The following LAMA1 variants were observed in gnomAD, a reference collection of about 807,000 sequenced individuals.
LAMA1 encodes laminin subunit alpha-1.
LAMA1 carries 219 observed loss-of-function variants against 348.7 expected under a neutral mutation model. The observed-to-expected ratio is 0.63, with a 90% CI of 0.56 to 0.70. The LOEUF (loss-of-function observed/expected upper bound fraction) is 0.70. Ranked by LOEUF, LAMA1 falls within the 30% of genes least tolerant of loss-of-function variation. The pLI is 0.00. For missense variants in LAMA1, 3,744 were observed against 3,888.0 expected (o/e 0.96, Z 0.99); for synonymous variants, 1,487 against 1,491.0 (o/e 1.00, Z 0.06).
intron 57 of LAMA1, chr18:6,954,856 G>A (rs149332153): frequency 9.8e-4 from 217 of 221,512 alleles, no homozygotes; most frequent in African/African-American, 4.6e-3. Flanking sequence ...CATGGAGTCC[G>A]GGAGCCCCAA....
At chr18:7,087,474 G>A in intron 1 of LAMA1, among the ~76,000 whole-genome samples, 1 of 152,218 alleles carries the variant, frequency 6.6e-6, no homozygotes, top group East Asian at 1.9e-4. Flanking sequence ...GATGCCCATG[G>A]CAACCAGCTC....
chr18:7,000,513 C>A lies in LAMA1; in HGVS notation c.4383-516G>T, dbSNP rs1033920402. Among the ~76,000 whole-genome samples the A allele has an allele frequency of 3.9e-5, 6 of 152,334 alleles. No individual in the cohort carries two copies. The East Asian group carries it at 1.2e-3, about 29-fold the overall frequency. On this transcript the variant is annotated intron_variant, in intron 30 of 62. Transcript: ENST00000389658. ...ACTGGAGAACGGATGCACCTAAAGGCAGGCAGGGAGTTATGTGGTAGGCTG... is the reference window on the plus strand; with the variant it reads ...ACTGGAGAACGGATGCACCTAAAGGAAGGCAGGGAGTTATGTGGTAGGCTG...
intron 16 of LAMA1, 97 bp from the exon 17 acceptor site, chr18:7,026,203 C>CA: frequency 1.4e-6 from 2 of 1,467,258 alleles, no homozygotes; most frequent in Non-Finnish European, 1.9e-6. Flanking sequence ...AAAAAAAAGA[C>CA]AAAATGCTAA....
chr18:6,947,595 C>T (rs930607923), intron 60 of LAMA1, among the ~76,000 whole-genome samples: 3 of 152,174 alleles, frequency 2.0e-5, no homozygotes, highest in South Asian at 2.1e-4. Flanking sequence ...GTCCTCCCTG[C>T]GGCAGTCTTT....
intron 3 of LAMA1, among the ~76,000 whole-genome samples, chr18:7,072,370 T>C (rs2058149589): frequency 6.6e-6 from 1 of 152,166 alleles, no homozygotes; most frequent in Admixed American, 6.5e-5. Flanking sequence ...AGCTATCACA[T>C]TTCACTTTGT....
In LAMA1 at chr18:6,961,804, G is replaced by A. The variant is rs757666580; in HGVS notation, c.7453-45C>T. 5.6e-6 allele frequency: 9 copies of A among 1,608,798 alleles called. No homozygotes were observed. The South Asian group carries it at 6.6e-5, about 12-fold the overall frequency. On this transcript the variant is annotated intron_variant, in intron 52 of 62. Coordinates refer to ENST00000389658, the MANE Select transcript of LAMA1 (RefSeq NM_005559.4). ...AACAGCATGGTGAGTTCCTAGCTGC[G>A]GCCAAACCTTCCGTGGGGAGGACAC...
rs138338380 is a variant in LAMA1, at chr18:6,996,300, G to A, written c.4807-854C>T. ...ATTCAAGAACCAGCCCCATCCCAGC[G>A]CACACATAAACACACGCACACACCT... On this transcript the variant is annotated intron_variant, in intron 33 of 62. Transcript: ENST00000389658. 3.0e-4 allele frequency among the ~76,000 whole-genome samples: 46 copies of A among 152,094 alleles called. No homozygotes were observed. In the East Asian group the frequency reaches 7.5e-3, roughly 25 times the overall value.
At chr18:6,942,475 G>A (rs1438233230) in intron 62 of LAMA1, among the ~76,000 whole-genome samples, 2 of 151,674 alleles carry the variant, frequency 1.3e-5, no homozygotes, top group African/African-American at 2.4e-5. Context: ...GTGCAGTGGC[G>A]CGATCTCGGC....
chr18:6,962,105 A>G (rs928804073), intron 51 of LAMA1, 46 bp from the exon 52 acceptor site: 2 of 1,388,908 alleles, frequency 1.4e-6, no homozygotes, highest in Non-Finnish European at 2.1e-6. Flanking sequence ...GGGTTTTTAA[A>G]TTCCATTTTT....
In LAMA1 at chr18:6,964,333, G is replaced by A. The variant is rs76608461; in HGVS notation, c.7337+329C>T. 9.6e-3 allele frequency among the ~76,000 whole-genome samples: 1,459 copies of A among 152,278 alleles called. 18 individuals carry two copies. Among genetic ancestry groups the A allele is most frequent in the African/African-American group, 0.033 (1,356 of 41,544 alleles). ...TCATTTGGAAAAGGTCTTTGCAGAG[G>A]TAATCAAGTTAGGATGAGGTCATTA... On this transcript the variant is annotated intron_variant, in intron 51 of 62. Coordinates refer to ENST00000389658, the MANE Select transcript of LAMA1 (RefSeq NM_005559.4).
chr18:6,986,671 C>T (rs554262071), intron 36 of LAMA1, among the ~76,000 whole-genome samples: 53 of 151,806 alleles, frequency 3.5e-4, no homozygotes, highest in Non-Finnish European at 6.3e-4. Context: ...CTGAAATTTA[C>T]AGGCACGGTG....
Position 6,997,806 on chromosome 18 carries a change from G to A in LAMA1, c.4742C>T (p.Thr1581Ile). Reference protein sequence around the residue: ...IGDAVLSLNLTGIIPVPYGIL... With the variant: ...IGDAVLSLNLIGIIPVPYGIL... ...TCCATATGGGACAGGGATAATGCCAGTGAGGTTCAGAGAAAGAACGGCATC... is the reference window on the plus strand; with the variant it reads ...TCCATATGGGACAGGGATAATGCCAATGAGGTTCAGAGAAAGAACGGCATC... The change falls in exon 33 of 63, where the codon ACT becomes ATT. Residue 1581 changes from threonine to isoleucine, a missense_variant. Physicochemically the swap from Thr to Ile is moderately conservative, Grantham distance 89. Coordinates refer to ENST00000389658, the MANE Select transcript of LAMA1 (RefSeq NM_005559.4). The A allele has an allele frequency of 6.2e-7, 1 of 1,613,874 alleles. No individual in the cohort carries two copies. Among genetic ancestry groups the A allele is most frequent in the Non-Finnish European group, 8.5e-7 (1 of 1,179,732 alleles).
chr18:6,997,756 T>C lies in LAMA1; in HGVS notation c.4792A>G (p.Thr1598Ala). ...YGILSNLENT[T>A]KYLQESLLKE... The stretch of plus-strand genomic sequence containing the variant: ...CCAGTACCTACCTGGAGATATTTAG[T>C]TGTATTTTCCAGGTTTGACAAAATT... The change falls in exon 33 of 63, where the codon ACT becomes GCT. Residue 1598 changes from threonine to alanine, a missense_variant. Thr to Ala is a moderately conservative substitution (Grantham distance 58, BLOSUM62 0). This residue lies in a region of LAMA1 where 1,983 missense variants were observed against 1,934.3 expected (regional missense o/e 1.03). Transcript: ENST00000389658. 1 of 1,613,996 alleles carries C rather than the reference T, an allele frequency of 6.2e-7. No homozygotes were observed. Among genetic ancestry groups the C allele is most frequent in the Non-Finnish European group, 8.5e-7 (1 of 1,179,850 alleles).
At chr18:6,986,083 T>G in intron 37 of LAMA1, 54 bp downstream of exon 37, 13 of 1,591,746 alleles carry the variant, frequency 8.2e-6, no homozygotes, top group Non-Finnish European at 1.0e-5. Flanking sequence ...TTGCTTACGT[T>G]GGAGTATTTT....
chr18:6,956,683 G>C lies in LAMA1; in HGVS notation c.8047C>G (p.Pro2683Ala), dbSNP rs778592607. ...CWLSERPKLA[P>A]DAEDSKLLPE... is the part of the protein sequence containing the mutation. The stretch of plus-strand genomic sequence containing the variant: ...AAGAGCTTGCTGTCCTCTGCATCGG[G>C]AGCCAGCTTAGGCCTTTCTGACAGC... Residue 2683 changes from proline to alanine, a missense_variant, in exon 56 of 63, where the codon CCC (proline) becomes GCC (alanine). By Grantham distance (27) the Pro-to-Ala change is conservative. Around this residue, in one of 3 missense-constraint regions of LAMA1, gnomAD observed 1,983 missense variants for 1,934.3 expected, o/e 1.03. Coordinates refer to ENST00000389658, the MANE Select transcript of LAMA1 (RefSeq NM_005559.4). The C allele has an allele frequency of 9.9e-6, 16 of 1,614,188 alleles. No homozygotes were observed. The highest frequency in any genetic ancestry group is 1.4e-5 in the Non-Finnish European group (16 of 1,180,042).
At chr18:7,083,080 A>G (rs963887841) in intron 1 of LAMA1, among the ~76,000 whole-genome samples, 1 of 152,166 alleles carries the variant, frequency 6.6e-6, no homozygotes, top group African/African-American at 2.4e-5. Context: ...CCTCATGAAC[A>G]TAAATTTAAC....
chr18:6,962,722 G>C (rs1207481491), intron 51 of LAMA1, among the ~76,000 whole-genome samples: 2 of 152,196 alleles, frequency 1.3e-5, no homozygotes, highest in African/African-American at 2.4e-5. Context: ...TTCCCATGGG[G>C]ACAAGTGCAG....
chr18:7,085,636 T>C (rs1038093555), intron 1 of LAMA1, among the ~76,000 whole-genome samples: 8 of 152,216 alleles, frequency 5.3e-5, no homozygotes, highest in African/African-American at 1.4e-4. Context: ...GCCAGGATGG[T>C]CTCGATCTCC....
intron 36 of LAMA1, among the ~76,000 whole-genome samples, chr18:6,992,217 A>G (rs1016696735): frequency 6.6e-6 from 1 of 152,110 alleles, no homozygotes; most frequent in African/African-American, 2.4e-5. Flanking sequence ...GCCACCAACG[A>G]TTTTTTTCTA....
Sources: allele counts gnomAD v4.1 joint callset (sites outside exome capture counted in the v4.1 genomes callset), GRCh38; gene constraint gnomAD v4.1.1; regional missense constraint gnomAD v4.1.1; transcripts MANE v1.5; gene names NCBI Gene and HGNC (gene_info 2026-07-23, HGNC 2026-07-21).